The following LMNTD1 variants were observed in gnomAD, a reference collection of about 807,000 sequenced individuals.
LMNTD1 encodes lamin tail domain-containing protein 1.
In LMNTD1, 35 loss-of-function variants were observed where a neutral mutation model predicts 50.9. The observed-to-expected ratio is 0.69, with a 90% CI of 0.53 to 0.91. The LOEUF is 0.91. Ranked by LOEUF, LMNTD1 falls within the 40% of genes least tolerant of loss-of-function variation. The probability of loss-of-function intolerance (pLI) is 0.00; values close to 1 mark genes in which losing one functional copy is unlikely to be tolerated. For synonymous variants in LMNTD1, 153 were observed against 161.9 expected (o/e 0.94, Z 0.42); for missense variants, 470 against 475.5 (o/e 0.99, Z 0.11).
chr12:25,523,751 A>G (rs535068358), intron 6 of LMNTD1, among the ~76,000 whole-genome samples: 1 of 151,598 alleles, frequency 6.6e-6, no homozygotes, highest in African/African-American at 2.4e-5. Context: ...AATACTTTCT[A>G]GTCGAATTAA....
At chr12:25,598,563 A>G (rs893227024) in intron 1 of LMNTD1, among the ~76,000 whole-genome samples, 1 of 152,026 alleles carries the variant, frequency 6.6e-6, no homozygotes, top group Non-Finnish European at 1.5e-5. Context: ...AATAAAACAA[A>G]AAGTTGTTTT....
intron 9 of LMNTD1, among the ~76,000 whole-genome samples, chr12:25,489,018 C>G (rs1278425459): frequency 6.6e-6 from 1 of 152,186 alleles, no homozygotes; most frequent in East Asian, 1.9e-4. Flanking sequence ...GGGAGAACCA[C>G]TGCTCTCTTC....
chr12:25,627,615 C>T (rs7967124), intron 1 of LMNTD1, among the ~76,000 whole-genome samples: 15,617 of 151,380 alleles, frequency 0.1, 1,152 homozygotes, highest in African/African-American at 0.19. Flanking sequence ...CCTAAATTTT[C>T]CAGGTTCCTT....
At chr12:25,614,326 G>A (rs960350510) in intron 1 of LMNTD1, among the ~76,000 whole-genome samples, 3 of 151,770 alleles carry the variant, frequency 2.0e-5, no homozygotes, top group South Asian at 4.2e-4. Flanking sequence ...CTCAGTTCTC[G>A]GTACTGAGCA....
At chr12:25,620,859 G>A (rs984234890) in intron 1 of LMNTD1, among the ~76,000 whole-genome samples, 3 of 152,066 alleles carry the variant, frequency 2.0e-5, no homozygotes, top group Non-Finnish European at 4.4e-5. Flanking sequence ...CTTTATACGC[G>A]CTCTACCATC....
chr12:25,530,049 A>G (rs1236462582), intron 4 of LMNTD1, among the ~76,000 whole-genome samples: 1 of 152,198 alleles, frequency 6.6e-6, no homozygotes, highest in African/African-American at 2.4e-5. Flanking sequence ...TCATAGGTAC[A>G]AAATGGAATC....
Position 25,607,939 on chromosome 12 carries a change from A to T in LMNTD1, c.58+40555T>A, listed in dbSNP as rs150079154. ...GTCTAATATTGTCAGTGAGGTGTTA[A>T]AGTCTCCCATTATTATTGTGTGGGA... On this transcript the variant is annotated intron_variant, in intron 1 of 7. Transcript: ENST00000445693. Among the ~76,000 whole-genome samples the T allele has an allele frequency of 1.2e-4, 19 of 152,224 alleles. No individual in the cohort carries two copies. The East Asian group carries it at 3.7e-3, about 29-fold the overall frequency.
At chr12:25,564,806 G>A (rs1944485343) in intron 1 of LMNTD1, among the ~76,000 whole-genome samples, 1 of 152,132 alleles carries the variant, frequency 6.6e-6, no homozygotes, top group Non-Finnish European at 1.5e-5. Context: ...TGGAAGTTCT[G>A]TCCAGTGTTG....
rs1211376486 is a variant in LMNTD1 at position 25,605,555 on chromosome 12, A to G, written c.58+42939T>C. On this transcript the variant is annotated intron_variant, in intron 1 of 7. Transcript: ENST00000445693. ...GGAAGGGATCCAGTTTCAGCTTTCT[A>G]CATATGGCCAGCCAGTTTTCCCAGC... 3.9e-5 allele frequency among the ~76,000 whole-genome samples: 6 copies of G among 152,140 alleles called. No individual in the cohort carries two copies. The East Asian group carries it at 1.2e-3, about 29-fold the overall frequency.
chr12:25,476,535 CT>C (rs1297082382), intron 9 of LMNTD1, 75 bp from the exon 10 acceptor site: 1 of 152,202 alleles, frequency 6.6e-6, no homozygotes, highest in Non-Finnish European at 1.5e-5. Flanking sequence ...CTTTACACTA[CT>C]GTCTCAATTA....
intron 4 of LMNTD1, among the ~76,000 whole-genome samples, chr12:25,535,704 A>G (rs945384387): frequency 1.3e-5 from 2 of 152,118 alleles, no homozygotes; most frequent in Non-Finnish European, 2.9e-5. Context: ...AAATAACAAG[A>G]TGGTAGACTA....
chr12:25,495,013 C>T (rs185997657), intron 9 of LMNTD1, among the ~76,000 whole-genome samples: 11 of 152,136 alleles, frequency 7.2e-5, no homozygotes, highest in Admixed American at 1.3e-4. Flanking sequence ...ATTGTTATTA[C>T]GAATGTAAAA....
At chr12:25,598,714 T>A (rs1425530795) in intron 1 of LMNTD1, among the ~76,000 whole-genome samples, 1 of 151,740 alleles carries the variant, frequency 6.6e-6, no homozygotes, top group East Asian at 1.9e-4. Context: ...GAGTAACTAC[T>A]ATGAGCAACT....
chr12:25,480,003 T>C (rs1023527816), intron 9 of LMNTD1, among the ~76,000 whole-genome samples: 1 of 152,168 alleles, frequency 6.6e-6, no homozygotes, highest in African/African-American at 2.4e-5. Context: ...ACAGGACCAT[T>C]GGGCAATGAC....
intron 1 of LMNTD1, among the ~76,000 whole-genome samples, chr12:25,632,064 G>A (rs1946730614): frequency 6.6e-6 from 1 of 152,140 alleles, no homozygotes; most frequent in South Asian, 2.1e-4. Flanking sequence ...AGAGCTCGAA[G>A]ACAAGGTCTT....
At chr12:25,542,153 A>C (rs1943125542) in intron 4 of LMNTD1, among the ~76,000 whole-genome samples, 1 of 151,922 alleles carries the variant, frequency 6.6e-6, no homozygotes, top group African/African-American at 2.4e-5. Context: ...CCATTGTGGA[A>C]GTCAGTGTGG....
chr12:25,519,112 C>G lies in LMNTD1; in HGVS notation c.1017-145G>C, dbSNP rs1941038677. 8.6e-6 allele frequency: 6 copies of G among 700,296 alleles called. No homozygotes were observed. In the South Asian group the frequency reaches 1.2e-4, roughly 14 times the overall value. The allele number at this position is 700,296 out of a possible 1,614,324, so 43.4% of individuals were successfully genotyped here. ...TTTGTGGGCAGAACTTTTATTATAA[C>G]TTCAGAAGCATTTGCTACAAATGAA... On this transcript the variant is annotated intron_variant, in intron 7 of 9. Transcript: ENST00000458174.
chr12:25,572,595 G>A (rs1170374757), intron 1 of LMNTD1, among the ~76,000 whole-genome samples: 1 of 151,988 alleles, frequency 6.6e-6, no homozygotes, highest in Non-Finnish European at 1.5e-5. Flanking sequence ...AGGAGGGGAA[G>A]GAATGAAAAA....
intron 9 of LMNTD1, among the ~76,000 whole-genome samples, chr12:25,484,299 AT>A (rs1326226043): frequency 1.3e-5 from 2 of 151,786 alleles, no homozygotes; most frequent in Non-Finnish European, 2.9e-5. Context: ...GGGTCTCTCT[AT>A]GTTGCCCAGG....
Sources: allele counts gnomAD v4.1 joint callset (sites outside exome capture counted in the v4.1 genomes callset), GRCh38; gene constraint gnomAD v4.1.1; transcripts MANE v1.5; gene names NCBI Gene and HGNC (gene_info 2026-07-23, HGNC 2026-07-21).